Variants in TBC1D32 observed in about 807,000 individuals in gnomAD.
TBC1D32 encodes the protein TBC1 domain family member 32.
TBC1D32 carries 151 observed loss-of-function variants against 170.3 expected under a neutral mutation model. That is an observed-to-expected ratio of 0.89 (90% CI 0.78 to 1.01). The LOEUF is 1.01. Among genes scored for constraint, TBC1D32 ranks in the 50% least tolerant of loss-of-function variants. The probability of loss-of-function intolerance (pLI) is 0.00; values close to 1 mark genes in which losing one functional copy is unlikely to be tolerated. For synonymous variants in TBC1D32, 498 were observed against 488.0 expected (o/e 1.02, Z -0.27); for missense variants, 1,464 against 1,457.1 (o/e 1.00, Z -0.08).
chr6:121,312,265 A>G (rs1808322112), intron 3 of TBC1D32, among the ~76,000 whole-genome samples: 1 of 152,192 alleles, frequency 6.6e-6, no homozygotes, highest in African/African-American at 2.4e-5. Context: ...AACCTAGATG[A>G]TGGGTTGATA....
At position 121,191,042 on chromosome 6, in the gene TBC1D32, C is replaced by CAT. The variant is rs56242809; in HGVS notation, c.2570+14031_2570+14032dup. Among the ~76,000 whole-genome samples the CAT allele has an allele frequency of 1.0e-3, 157 of 150,704 alleles. 1 individual carries two copies. The highest frequency in any genetic ancestry group is 3.6e-3 in the African/African-American group (147 of 41,194). ...TCTAAGCAAATACAATGTGTGTATGCATATATATATATATATATATGCACA... is the reference window on the plus strand; with the variant it reads ...TCTAAGCAAATACAATGTGTGTATGCATATATATATATATATATATATGCACA... On this transcript the variant is annotated intron_variant, in intron 22 of 31. Transcript: ENST00000398212.
intron 30 of TBC1D32, among the ~76,000 whole-genome samples, chr6:121,094,456 C>T (rs1411656405): frequency 6.6e-6 from 1 of 152,064 alleles, no homozygotes; most frequent in Non-Finnish European, 1.5e-5. Flanking sequence ...CATGAACCAC[C>T]ACACCTGGCC....
upstream of TBC1D32, chr6:121,334,583 G>A (rs1462171408): frequency 3.5e-6 from 3 of 848,662 alleles, no homozygotes; most frequent in South Asian, 1.8e-5. Flanking sequence ...GCCCTCAGCT[G>A]CCAGTGCGTC....
At chr6:121,223,820 C>T (rs1794782452) in intron 20 of TBC1D32, among the ~76,000 whole-genome samples, 2 of 130,448 alleles carry the variant, frequency 1.5e-5, no homozygotes, top group South Asian at 2.7e-4. Context: ...AATATGATAG[C>T]TAATTTTTAA....
intron 1 of TBC1D32, among the ~76,000 whole-genome samples, chr6:121,326,230 C>CA (rs900822670): frequency 4.6e-5 from 7 of 151,994 alleles, no homozygotes; most frequent in African/African-American, 7.2e-5. Context: ...AAAGACACAT[C>CA]AAAAAAATCC....
At chr6:121,121,386 AAC>A (rs1284468616) in intron 26 of TBC1D32, among the ~76,000 whole-genome samples, 1 of 152,042 alleles carries the variant, frequency 6.6e-6, no homozygotes, top group African/African-American at 2.4e-5. Flanking sequence ...TTGAATAAAT[AAC>A]ACATATTTGA....
At chr6:121,169,282 G>C (rs1424745336) in intron 22 of TBC1D32, among the ~76,000 whole-genome samples, 2 of 152,054 alleles carry the variant, frequency 1.3e-5, no homozygotes, top group Non-Finnish European at 1.5e-5. Context: ...ACAACAATCT[G>C]ATCTTTGACA....
intron 31 of TBC1D32, among the ~76,000 whole-genome samples, chr6:121,084,795 G>A (rs551861872): frequency 6.6e-6 from 1 of 152,188 alleles, no homozygotes; most frequent in Admixed American, 6.6e-5. Context: ...AGCACAAAAA[G>A]ATCAAGTGTG....
At position 121,106,079 on chromosome 6, in the gene TBC1D32, C is replaced by A; in HGVS notation, c.3409G>T (p.Ala1137Ser). 6.2e-7 allele frequency: 1 copy of A among 1,608,722 alleles called. No homozygotes were observed. Among genetic ancestry groups the A allele is most frequent in the Non-Finnish European group, 8.5e-7 (1 of 1,176,410 alleles). ...GCTGAAAACACAAGAGGCAACTCAGCCTTCAGTAGCATTTCAATATAATGG... is the reference window on the plus strand; with the variant it reads ...GCTGAAAACACAAGAGGCAACTCAGACTTCAGTAGCATTTCAATATAATGG... ...STHYIEMLLK[A>S]ELPLVFSAFH... The change falls in exon 30 of 32, where the codon GCT becomes TCT. Residue 1137 changes from alanine (A) to serine (S), a missense_variant. By Grantham distance (99) the Ala-to-Ser change is moderately conservative. Coordinates refer to ENST00000398212, the MANE Select transcript of TBC1D32 (RefSeq NM_152730.6).
chr6:121,172,758 T>C (rs890959125), intron 22 of TBC1D32, among the ~76,000 whole-genome samples: 6 of 152,234 alleles, frequency 3.9e-5, no homozygotes, highest in African/African-American at 1.4e-4. Context: ...ATCTTCATTT[T>C]ATTTCCTTTC....
intron 21 of TBC1D32, among the ~76,000 whole-genome samples, chr6:121,213,074 C>A (rs1056620132): frequency 6.6e-6 from 1 of 152,098 alleles, no homozygotes; most frequent in African/African-American, 2.4e-5. Flanking sequence ...CCTTCTATGA[C>A]AAACCCACAG....
chr6:121,198,260 A>T (rs13201145), intron 22 of TBC1D32, among the ~76,000 whole-genome samples: 14 of 139,692 alleles, frequency 1.0e-4, no homozygotes, highest in Non-Finnish European at 1.5e-4. Context: ...ATATATATAT[A>T]ATATATATAT....
intron 15 of TBC1D32, among the ~76,000 whole-genome samples, chr6:121,269,766 T>C (rs999418479): frequency 1.3e-5 from 2 of 152,140 alleles, no homozygotes; most frequent in African/African-American, 4.8e-5. Context: ...GTAGACCTAA[T>C]AGACATCTAC....
intron 1 of TBC1D32, among the ~76,000 whole-genome samples, chr6:121,328,452 ATT>A (rs1425652969): frequency 6.9e-6 from 1 of 144,000 alleles, no homozygotes; most frequent in Admixed American, 6.9e-5. Context: ...CACCTGGCTA[ATT>A]TTTTTTTTTT....
At chr6:121,283,523 AT>A (rs2128448637) in intron 13 of TBC1D32, among the ~76,000 whole-genome samples, 1 of 152,028 alleles carries the variant, frequency 6.6e-6, no homozygotes, top group East Asian at 1.9e-4. Flanking sequence ...ATCATCAAAT[AT>A]CCCCCAGTAT....
intron 30 of TBC1D32, among the ~76,000 whole-genome samples, chr6:121,092,768 C>T (rs113458326): frequency 0.01 from 1,540 of 152,184 alleles, 10 homozygotes; most frequent in South Asian, 0.04. Context: ...TATTGGATTA[C>T]GGTCCAACTT....
chr6:121,182,313 T>G (rs553554854), intron 22 of TBC1D32, among the ~76,000 whole-genome samples: 27 of 152,156 alleles, frequency 1.8e-4, no homozygotes, highest in Non-Finnish European at 3.1e-4. Flanking sequence ...TACTATTTCA[T>G]TAAAAACTGA....
At chr6:121,162,580 G>C (rs976203950) in intron 22 of TBC1D32, among the ~76,000 whole-genome samples, 6 of 152,116 alleles carry the variant, frequency 3.9e-5, no homozygotes, top group African/African-American at 1.4e-4. Context: ...AAGAAATCAA[G>C]TGCATTCAAA....
chr6:121,136,930 ATAAT>A (rs1478193777), intron 24 of TBC1D32, among the ~76,000 whole-genome samples: 1 of 152,150 alleles, frequency 6.6e-6, no homozygotes, highest in African/African-American at 2.4e-5. Context: ...GTTATAGTTC[ATAAT>A]TAGTTATAAA....
Sources: allele counts gnomAD v4.1 joint callset (sites outside exome capture counted in the v4.1 genomes callset), GRCh38; gene constraint gnomAD v4.1.1; transcripts MANE v1.5; gene names NCBI Gene and HGNC (gene_info 2026-07-23, HGNC 2026-07-21).